The following GALNT2 variants were observed in gnomAD, a reference collection of about 807,000 sequenced individuals.
GALNT2 encodes the protein UDP-GalNAc:polypeptide N-acetylgalactosaminyltransferase 2.
GALNT2 carries 31 observed loss-of-function variants against 81.4 expected under a neutral mutation model. The observed-to-expected ratio is 0.38, with a 90% CI of 0.29 to 0.51. The LOEUF (loss-of-function observed/expected upper bound fraction) is 0.51, where lower values mean the gene tolerates loss of function less well. Ranked by LOEUF, GALNT2 falls within the 20% of genes least tolerant of loss-of-function variation. GALNT2 has a pLI of 0.87. For missense variants in GALNT2, 629 were observed against 765.7 expected (o/e 0.82, Z 2.11); for synonymous variants, 303 against 287.4 (o/e 1.05, Z -0.55).
chr1:230,267,715 G>A (rs1666072007), intron 14 of GALNT2, among the ~76,000 whole-genome samples: 1 of 152,224 alleles, frequency 6.6e-6, no homozygotes, highest in Non-Finnish European at 1.5e-5. Context: ...AACAAACAGA[G>A]TGGAAGACGA....
intron 1 of GALNT2, among the ~76,000 whole-genome samples, chr1:230,177,707 C>G (rs950782649): frequency 2.0e-5 from 3 of 152,138 alleles, no homozygotes; most frequent in African/African-American, 7.2e-5. Flanking sequence ...TGGCCCTACC[C>G]CCTGCTCCTG....
At chr1:230,074,252 C>A (rs1659465435) in intron 1 of GALNT2, among the ~76,000 whole-genome samples, 1 of 152,162 alleles carries the variant, frequency 6.6e-6, no homozygotes, top group Non-Finnish European at 1.5e-5. Flanking sequence ...GTCACCACAG[C>A]AGGCTAATTT....
intron 1 of GALNT2, among the ~76,000 whole-genome samples, chr1:230,113,891 T>A (rs1660770569): frequency 6.6e-6 from 1 of 152,036 alleles, no homozygotes; most frequent in African/African-American, 2.4e-5. Context: ...TCAGGGCAAG[T>A]CATTGGATTT....
At chr1:230,188,961 A>AGGAGCAGGGG (rs1663429963) in intron 2 of GALNT2, among the ~76,000 whole-genome samples, 1 of 151,234 alleles carries the variant, frequency 6.6e-6, no homozygotes, top group Non-Finnish European at 1.5e-5. Context: ...TGGCAGAAGG[A>AGGAGCAGGGG]CTGGCAAAGG....
chr1:230,193,143 T>C lies in GALNT2; in HGVS notation c.221-9994T>C, dbSNP rs568146728. Among the ~76,000 whole-genome samples, 7 of 152,366 alleles carry C rather than the reference T, an allele frequency of 4.6e-5. No individual in the cohort carries two copies. Among genetic ancestry groups the C allele is most frequent in the Non-Finnish European group, 8.8e-5 (6 of 68,032 alleles). On this transcript the variant is annotated intron_variant, in intron 2 of 15. Coordinates refer to ENST00000366672, the MANE Select transcript of GALNT2 (RefSeq NM_004481.5). The surrounding 1 kb of genome is among the most constrained non-coding windows in gnomAD (Gnocchi z 4.3). ...CCTTCCTTGGCTGCTTTCCCAGCGGTTGCTCTGTTTTACGTGGGGTAGCTT... is the reference window on the plus strand; with the variant it reads ...CCTTCCTTGGCTGCTTTCCCAGCGGCTGCTCTGTTTTACGTGGGGTAGCTT...
At chr1:230,159,391 G>A (rs929245213) in intron 1 of GALNT2, among the ~76,000 whole-genome samples, 8 of 152,340 alleles carry the variant, frequency 5.3e-5, no homozygotes, top group African/African-American at 1.9e-4. Context: ...GACCCTGAGT[G>A]TGAGGCTAGG....
intron 1 of GALNT2, among the ~76,000 whole-genome samples, chr1:230,081,625 C>T (rs2102754214): frequency 6.6e-6 from 1 of 152,282 alleles, no homozygotes; most frequent in African/African-American, 2.4e-5. Flanking sequence ...TGCAACAAAG[C>T]CCCCCTGTGA....
At chr1:230,130,647 A>G (rs1415848573) in intron 1 of GALNT2, among the ~76,000 whole-genome samples, 1 of 152,192 alleles carries the variant, frequency 6.6e-6, no homozygotes, top group Non-Finnish European at 1.5e-5. Context: ...GAGCAGAAGG[A>G]CAAGCAGCCC....
chr1:230,066,739 A>C (rs762272469), upstream of GALNT2, among the ~76,000 whole-genome samples: 3 of 152,258 alleles, frequency 2.0e-5, no homozygotes, highest in Non-Finnish European at 4.4e-5. Flanking sequence ...CAGTCTGGGC[A>C]GGAAGCACCG....
intron 1 of GALNT2, among the ~76,000 whole-genome samples, chr1:230,156,831 T>TG (rs1662272715): frequency 6.6e-6 from 1 of 152,168 alleles, no homozygotes; most frequent in African/African-American, 2.4e-5. Flanking sequence ...GATGAAATGT[T>TG]GGGGAGACAG....
At chr1:230,266,699 G>A (rs1481488933) in intron 14 of GALNT2, among the ~76,000 whole-genome samples, 1 of 152,152 alleles carries the variant, frequency 6.6e-6, no homozygotes, top group East Asian at 1.9e-4. Flanking sequence ...GGCTTGACTG[G>A]GCCAGTCCCC....
At chr1:230,172,195 C>T (rs112481623) in intron 1 of GALNT2, among the ~76,000 whole-genome samples, 7 of 152,150 alleles carry the variant, frequency 4.6e-5, no homozygotes, top group African/African-American at 7.2e-5. Flanking sequence ...AAGGCATCAC[C>T]GTGTTTCCCT....
intron 8 of GALNT2, 140 bp from the exon 9 acceptor site, chr1:230,249,044 A>G (rs983885156): frequency 2.5e-6 from 2 of 789,370 alleles, no homozygotes; most frequent in African/African-American, 1.7e-5. Context: ...TCTCTCCTCC[A>G]CACCTTCTTT....
intron 2 of GALNT2, among the ~76,000 whole-genome samples, chr1:230,192,818 G>A (rs946376459): frequency 1.3e-5 from 2 of 152,252 alleles, no homozygotes; most frequent in East Asian, 3.9e-4. Flanking sequence ...AATCATGGAT[G>A]TGTGGGATTC....
chr1:230,115,771 G>A (rs1660826120), intron 1 of GALNT2, among the ~76,000 whole-genome samples: 1 of 152,196 alleles, frequency 6.6e-6, no homozygotes, highest in Non-Finnish European at 1.5e-5. Context: ...ACTTCTTTCA[G>A]AATAGGAGTC....
intron 3 of GALNT2, among the ~76,000 whole-genome samples, chr1:230,217,258 A>G (rs996073338): frequency 1.3e-5 from 2 of 152,184 alleles, no homozygotes; most frequent in Non-Finnish European, 2.9e-5. Flanking sequence ...TAAACAGGTG[A>G]TCAGGGAAGA....
intron 1 of GALNT2, among the ~76,000 whole-genome samples, chr1:230,081,213 C>T (rs1022341631): frequency 6.6e-6 from 1 of 152,282 alleles, no homozygotes; most frequent in African/African-American, 2.4e-5. Flanking sequence ...ATCTGAGCCC[C>T]AGACAGCATG....
At chr1:230,276,394 T>A (rs1443726324) in intron 15 of GALNT2, among the ~76,000 whole-genome samples, 1 of 151,996 alleles carries the variant, frequency 6.6e-6, no homozygotes, top group Admixed American at 6.6e-5. Flanking sequence ...AGTCGGTCCT[T>A]AGAGATAGAT....
At chr1:230,071,748 T>C (rs1659382175) in intron 1 of GALNT2, among the ~76,000 whole-genome samples, 1 of 152,122 alleles carries the variant, frequency 6.6e-6, no homozygotes, top group South Asian at 2.1e-4. Flanking sequence ...GGGAGGACAG[T>C]AGCAGGGAAA....
Sources: gnomAD v4.1 joint callset for allele counts (sites outside exome capture counted in the v4.1 genomes callset) on GRCh38, gnomAD v4.1.1 for gene constraint, Gnocchi (gnomAD v3.1) non-coding constraint, MANE v1.5 for transcripts, NCBI Gene and HGNC (gene_info 2026-07-23, HGNC 2026-07-21) for gene names.